The following KRIT1 variants were observed in gnomAD, a reference collection of about 807,000 sequenced individuals.
KRIT1 encodes the protein krev interaction trapped protein 1.
KRIT1 carries 45 observed loss-of-function variants against 95.8 expected under a neutral mutation model. That is an observed-to-expected ratio of 0.47 (90% CI 0.37 to 0.60). KRIT1 has a LOEUF of 0.60. Ranked by LOEUF, KRIT1 falls within the 20% of genes least tolerant of loss-of-function variation. The probability of loss-of-function intolerance (pLI) is 0.00; values close to 1 mark genes in which losing one functional copy is unlikely to be tolerated. For synonymous variants in KRIT1, 282 were observed against 278.8 expected, an observed-to-expected ratio of 1.01 and a Z score of -0.11; for missense variants, 788 against 877.5, an observed-to-expected ratio of 0.90 and a Z score of 1.29.
At position 92,213,982 on chromosome 7, in the gene KRIT1, G is replaced by A; in HGVS notation, c.1731-3C>T. ...CGATGGATTTTAGATTTTCTTCACT[G>A]TAAGCACACATGCCAACATCCTTTA... is the stretch of plus-strand genomic sequence containing the variant. On this transcript the variant is annotated splice_region_variant and splice_polypyrimidine_tract_variant and intron_variant, in intron 15 of 18. Coordinates refer to ENST00000394505, the MANE Select transcript of KRIT1 (RefSeq NM_194454.3). The A allele has an allele frequency of 6.4e-7, 1 of 1,572,988 alleles. No individual in the cohort carries two copies. The highest frequency in any genetic ancestry group is 8.8e-7 in the Non-Finnish European group (1 of 1,142,750).
At chr7:92,219,794 G>A (rs1259656888) in intron 14 of KRIT1, among the ~76,000 whole-genome samples, 1 of 152,166 alleles carries the variant, frequency 6.6e-6, no homozygotes, top group Non-Finnish European at 1.5e-5. Flanking sequence ...CCAGTTATCA[G>A]GTCTTATTTT....
rs1252081416 is a variant in KRIT1, at chr7:92,225,719, C to T, written c.1254+1G>A. 6.1e-6 allele frequency: 9 copies of T among 1,474,124 alleles called. No homozygotes were observed. The highest frequency in any genetic ancestry group is 8.5e-6 in the Non-Finnish European group (9 of 1,053,342). 91.3% of individuals were successfully genotyped at this position (1,474,124 alleles called of 1,614,324 possible). A position where few individuals can be genotyped will look rare whatever the true frequency, so the allele number is the denominator to read the frequency against. On this transcript the variant is annotated splice_donor_variant, in intron 12 of 18. Coordinates refer to ENST00000394505, the MANE Select transcript of KRIT1 (RefSeq NM_194454.3). LOFTEE classifies it high-confidence loss of function. ...GCTCTAACTATGAAGATAATTCTTA[C>T]TGGTTTGTTAATTGCTTCCTTCAAC...
chr7:92,236,104 G>A (rs1798392538), intron 7 of KRIT1: 1 of 275,198 alleles, frequency 3.6e-6, no homozygotes, highest in Non-Finnish European at 6.9e-6. Context: ...ATAAGAGGTT[G>A]AATGACTTCT....
At chr7:92,216,671 C>T (rs1207836381) in intron 14 of KRIT1, among the ~76,000 whole-genome samples, 2 of 152,100 alleles carry the variant, frequency 1.3e-5, no homozygotes, top group African/African-American at 4.8e-5. Flanking sequence ...AAAGTAAATA[C>T]ACTAAACCAA....
chr7:92,217,593 T>G (rs1219949225), intron 14 of KRIT1, among the ~76,000 whole-genome samples: 1 of 152,242 alleles, frequency 6.6e-6, no homozygotes, highest in Non-Finnish European at 1.5e-5. Context: ...ACATGTATCA[T>G]AACTTCATTC....
At position 92,241,662 on chromosome 7, in the gene KRIT1, T is replaced by C. The variant is rs867291058; in HGVS notation, c.102+372A>G. ...TAAAAATTTAAGGCAAAAAAGTATT[T>C]TAAAACGAATTGTTAAAAATAGTTA... On this transcript the variant is annotated intron_variant, in intron 4 of 18. Transcript: ENST00000394505. Among the ~76,000 whole-genome samples, 3 of 152,282 alleles carry C rather than the reference T, an allele frequency of 2.0e-5. No homozygotes were observed. In the South Asian group the frequency reaches 6.2e-4, roughly 32 times the overall value.
chr7:92,214,006 T>C (rs749515055), intron 15 of KRIT1, 27 bp from the exon 16 acceptor site: 1 of 1,341,548 alleles, frequency 7.5e-7, no homozygotes, highest in South Asian at 1.2e-5. Flanking sequence ...CAACATCCTT[T>C]AAATAAATCA....
intron 10 of KRIT1, among the ~76,000 whole-genome samples, chr7:92,230,102 T>C (rs1425400695): frequency 6.6e-6 from 1 of 152,100 alleles, no homozygotes; most frequent in Non-Finnish European, 1.5e-5. Flanking sequence ...AACATACATT[T>C]TGTATGGTGC....
chr7:92,223,442 C>CAAA (rs976391928), intron 12 of KRIT1, among the ~76,000 whole-genome samples: 2 of 58,054 alleles, frequency 3.4e-5, no homozygotes, highest in African/African-American at 6.4e-5. Context: ...GACTCCATCT[C>CAAA]AAAAAAAAAA....
chr7:92,235,879 A>AT, intron 7 of KRIT1: 1 of 414,794 alleles, frequency 2.4e-6, no homozygotes, highest in Non-Finnish European at 4.4e-6. Flanking sequence ...GGCACATGTG[A>AT]TAATATGTTC....
chr7:92,245,508 C>G (rs1389406853), intron 1 of KRIT1: 1 of 151,484 alleles, frequency 6.6e-6, no homozygotes, highest in African/African-American at 2.4e-5. Context: ...CTCCTGTTTC[C>G]CGAAGGACAC....
chr7:92,200,891 T>A (rs1789987897), intron 18 of KRIT1, 87 bp from the exon 19 acceptor site: 19 of 892,724 alleles, frequency 2.1e-5, no homozygotes, highest in Non-Finnish European at 3.1e-5. Context: ...TCCCTATCTA[T>A]TTGAAAGGGA....
chr7:92,235,456 C>T lies in KRIT1; in HGVS notation c.676G>A (p.Asp226Asn), dbSNP rs1381781810. 6.2e-7 allele frequency: 1 copy of T among 1,613,586 alleles called. No homozygotes were observed. Among genetic ancestry groups the T allele is most frequent in the South Asian group, 1.1e-5 (1 of 91,080 alleles). ...AACAAAGGGTTGTAAATACAGGTAT[C>T]TGCTTTCTCTAGGGCTAACATTTTA... ...KSKMLALEKA[D>N]TCIYNPLFGS... The change falls in exon 8 of 19, where the codon GAT becomes AAT. Residue 226 changes from aspartate (D) to asparagine (N), a missense_variant. Transcript: ENST00000394505.
In KRIT1 at chr7:92,234,582, A is replaced by G. The variant is rs1206317418; in HGVS notation, c.856T>C (p.Trp286Arg). The change falls in exon 10 of 19, where the codon TGG (tryptophan) becomes CGG (arginine). Residue 286 changes from tryptophan to arginine, a missense_variant. Transcript: ENST00000394505. ...CGGTGGAGAGGAAAATCATCTACCC[A>G]CTGTCGTTCCCTAATCATTAAAAAG... ...SSVTEDKERQWVDDFPLHRSA... is the reference protein window; with the variant it reads ...SSVTEDKERQRVDDFPLHRSA... 1 of 1,613,050 alleles carries G rather than the reference A, an allele frequency of 6.2e-7. No individual in the cohort carries two copies. The highest frequency in any genetic ancestry group is 8.5e-7 in the Non-Finnish European group (1 of 1,179,038).
chr7:92,244,574 G>C (rs1800438576), intron 2 of KRIT1, among the ~76,000 whole-genome samples: 3 of 152,132 alleles, frequency 2.0e-5, no homozygotes, highest in Admixed American at 2.0e-4. Context: ...CCAGTGACAT[G>C]AAAGAAGGAA....
Position 92,244,906 on chromosome 7 carries a change from G to A in KRIT1, c.-155C>T, listed in dbSNP as rs1237386190. The A allele has an allele frequency of 2.0e-5, 3 of 152,180 alleles. No individual in the cohort carries two copies. Among genetic ancestry groups the A allele is most frequent in the East Asian group, 3.9e-4 (2 of 5,192 alleles). The allele number at this position is 152,180 out of a possible 1,614,324, so 9.4% of individuals were successfully genotyped here. ...AATTAGGGGGGTGGCACCTACCTGG[G>A]ATCACTGGAAAATATGGAGGGCATT... is the stretch of plus-strand genomic sequence containing the variant. On this transcript the variant is annotated 5_prime_UTR_variant, in exon 2 of 19. Coordinates refer to ENST00000394505, the MANE Select transcript of KRIT1 (RefSeq NM_194454.3).
At position 92,227,612 on chromosome 7, in the gene KRIT1, G is replaced by A. The variant is rs1403907070; in HGVS notation, c.990-930C>T. ...TGCAGTGGTGCAATCTCAGCTCACT[G>A]TAATGTCTGCCTCCTGGGTTCAAGA... On this transcript the variant is annotated intron_variant, in intron 10 of 18. Coordinates refer to ENST00000394505, the MANE Select transcript of KRIT1 (RefSeq NM_194454.3). Among the ~76,000 whole-genome samples, 4 of 151,278 alleles carry A rather than the reference G, an allele frequency of 2.6e-5. No homozygotes were observed. In the East Asian group the frequency reaches 8.1e-4, roughly 31 times the overall value.
chr7:92,216,979 G>A (rs1794132170), intron 14 of KRIT1, among the ~76,000 whole-genome samples: 1 of 151,998 alleles, frequency 6.6e-6, no homozygotes, highest in Admixed American at 6.5e-5. Context: ...TTTTTCAGAT[G>A]GTACAAACAG....
At chr7:92,217,579 T>C (rs1036964983) in intron 14 of KRIT1, among the ~76,000 whole-genome samples, 1 of 152,232 alleles carries the variant, frequency 6.6e-6, no homozygotes, top group South Asian at 2.1e-4. Flanking sequence ...TCACTCATGT[T>C]GTCACATGTA....
Sources: gnomAD v4.1 joint callset for allele counts (sites outside exome capture counted in the v4.1 genomes callset) on GRCh38, gnomAD v4.1.1 for gene constraint, MANE v1.5 for transcripts, NCBI Gene and HGNC (gene_info 2026-07-23, HGNC 2026-07-21) for gene names.